Variants in PARM1 observed in about 807,000 individuals in gnomAD.
The protein encoded by PARM1 is prostate androgen-regulated mucin-like protein 1.
PARM1 carries 14 observed loss-of-function variants against 24.6 expected under a neutral mutation model. That is an observed-to-expected ratio of 0.57 (90% CI 0.38 to 0.89). PARM1 has a LOEUF of 0.89. Among genes scored for constraint, PARM1 ranks in the 40% least tolerant of loss-of-function variants. PARM1 has a pLI of 0.00. For missense variants in PARM1, 362 were observed against 380.4 expected, an observed-to-expected ratio of 0.95 and a Z score of 0.40; for synonymous variants, 179 against 156.6, an observed-to-expected ratio of 1.14 and a Z score of -1.07.
chr4:75,033,928 TG>T lies in PARM1; in HGVS notation c.817del (p.Val273CysfsTer8). 1 of 1,604,372 alleles carries T rather than the reference TG, an allele frequency of 6.2e-7. No homozygotes were observed. On this transcript the variant is annotated frameshift_variant, in exon 3 of 4. Transcript: ENST00000307428. LOFTEE classifies it high-confidence loss of function. ...GTGACAGTCATTGCCGTGGTGCTGC[TG>T]GTGTTTGGAGTTGCAGCCTACCTAA... is the stretch of plus-strand genomic sequence containing the variant. ...ITVTVIAVVL[L>X]VFGVAAYLKI...
chr4:75,008,689 A>G (rs996421555), intron 1 of PARM1, among the ~76,000 whole-genome samples: 1 of 152,214 alleles, frequency 6.6e-6, no homozygotes, highest in Non-Finnish European at 1.5e-5. Context: ...TTTTACTTTT[A>G]TATAGCACTT....
chr4:75,025,655 C>T (rs1217453220), intron 2 of PARM1, among the ~76,000 whole-genome samples: 1 of 152,092 alleles, frequency 6.6e-6, no homozygotes, highest in Non-Finnish European at 1.5e-5. Flanking sequence ...TGACGTGCCC[C>T]CATGAGAGAG....
chr4:74,982,021 A>G (rs1722267551), intron 1 of PARM1, among the ~76,000 whole-genome samples: 1 of 152,196 alleles, frequency 6.6e-6, no homozygotes, highest in Non-Finnish European at 1.5e-5. Flanking sequence ...ACTACTCACA[A>G]TAGCAAAGGC....
At chr4:75,044,787 G>C (rs1723567262) in intron 3 of PARM1, among the ~76,000 whole-genome samples, 1 of 152,110 alleles carries the variant, frequency 6.6e-6, no homozygotes, top group Non-Finnish European at 1.5e-5. Context: ...CATGTGGCTG[G>C]GGAAGCCTCA....
At chr4:75,009,013 C>A (rs1722821953) in intron 1 of PARM1, among the ~76,000 whole-genome samples, 1 of 151,916 alleles carries the variant, frequency 6.6e-6, no homozygotes, top group East Asian at 1.9e-4. Flanking sequence ...TAGATAGGAT[C>A]CCATGTTTTA....
At chr4:74,946,956 C>T (rs902119953) in intron 1 of PARM1, among the ~76,000 whole-genome samples, 4 of 152,022 alleles carry the variant, frequency 2.6e-5, no homozygotes, top group Admixed American at 6.5e-5. Flanking sequence ...GTGAAGTGTA[C>T]CATTGAGTGA....
intron 1 of PARM1, among the ~76,000 whole-genome samples, chr4:75,008,918 G>T (rs1235778780): frequency 7.2e-6 from 1 of 139,844 alleles, no homozygotes; most frequent in African/African-American, 3.1e-5. Context: ...ATGGTAAATG[G>T]TGTCATTTTT....
At chr4:74,937,206 A>G (rs1560768931) in intron 1 of PARM1, among the ~76,000 whole-genome samples, 1 of 152,210 alleles carries the variant, frequency 6.6e-6, no homozygotes. Flanking sequence ...TATCACACAT[A>G]TATTAAAATA....
intron 1 of PARM1, among the ~76,000 whole-genome samples, chr4:74,948,048 T>A (rs1721441956): frequency 6.6e-6 from 1 of 152,200 alleles, no homozygotes. Flanking sequence ...TGCCATTTCC[T>A]CATTCTAGAA....
intron 1 of PARM1, among the ~76,000 whole-genome samples, chr4:74,941,745 C>G (rs982135730): frequency 2.6e-5 from 4 of 152,044 alleles, no homozygotes; most frequent in Non-Finnish European, 5.9e-5. Context: ...TAAGAAAATG[C>G]CCTGTGATGT....
chr4:74,938,439 G>C (rs118053037), intron 1 of PARM1, among the ~76,000 whole-genome samples: 1 of 152,210 alleles, frequency 6.6e-6, no homozygotes, highest in East Asian at 1.9e-4. Flanking sequence ...AAACTTATTT[G>C]TCTTGTTCAT....
At chr4:75,001,546 A>C (rs1226785853) in intron 1 of PARM1, among the ~76,000 whole-genome samples, 1 of 152,242 alleles carries the variant, frequency 6.6e-6, no homozygotes, top group African/African-American at 2.4e-5. Flanking sequence ...TGCTGGCGGT[A>C]GCACAGGTAT....
intron 3 of PARM1, among the ~76,000 whole-genome samples, chr4:75,044,109 A>C (rs1723553016): frequency 1.3e-5 from 2 of 152,104 alleles, no homozygotes; most frequent in South Asian, 4.1e-4. Flanking sequence ...TCAAAATTGC[A>C]ATAGCAATTA....
intron 1 of PARM1, among the ~76,000 whole-genome samples, chr4:74,978,232 G>T (rs746375579): frequency 6.6e-6 from 1 of 152,170 alleles, no homozygotes; most frequent in Non-Finnish European, 1.5e-5. Flanking sequence ...CATCTCATGT[G>T]CAAAGACCCA....
chr4:74,965,616 T>G (rs558520594), intron 1 of PARM1, among the ~76,000 whole-genome samples: 1 of 152,272 alleles, frequency 6.6e-6, no homozygotes, highest in Non-Finnish European at 1.5e-5. Context: ...TGCTGTGAGG[T>G]TAATGAGCAA....
At chr4:74,968,019 A>C (rs1206328770) in intron 1 of PARM1, among the ~76,000 whole-genome samples, 1 of 152,052 alleles carries the variant, frequency 6.6e-6, no homozygotes, top group African/African-American at 2.4e-5. Context: ...TCCCCTTTTC[A>C]TTTTCCTTCT....
rs1367256334 is a variant in PARM1 at position 75,050,041 on chromosome 4, T to G, written c.*3794T>G. ...GAAAATTCTTTGATATTTGATGTCA[T>G]TGTATCCACATTTGTTGTAAGACAT... is the stretch of plus-strand genomic sequence containing the variant. On this transcript the variant is annotated 3_prime_UTR_variant, in exon 4 of 4. Coordinates refer to ENST00000307428, the MANE Select transcript of PARM1 (RefSeq NM_015393.4). 1 of 152,596 alleles carries G rather than the reference T, an allele frequency of 6.6e-6. No individual in the cohort carries two copies. Among genetic ancestry groups the G allele is most frequent in the Non-Finnish European group, 1.5e-5 (1 of 68,040 alleles). 9.5% of individuals were successfully genotyped at this position (152,596 alleles called of 1,614,324 possible).
chr4:75,035,163 G>T (rs1197147141), intron 3 of PARM1, among the ~76,000 whole-genome samples: 1 of 152,130 alleles, frequency 6.6e-6, no homozygotes, highest in African/African-American at 2.4e-5. Flanking sequence ...CCAGTTTAGA[G>T]CCCCTGTTAT....
intron 3 of PARM1, among the ~76,000 whole-genome samples, chr4:75,040,807 AAG>A (rs1723467723): frequency 6.6e-6 from 1 of 152,142 alleles, no homozygotes; most frequent in Non-Finnish European, 1.5e-5. Flanking sequence ...AGCTACCACA[AAG>A]ATATATTGTT....
Sources: gnomAD v4.1 joint callset for allele counts (sites outside exome capture counted in the v4.1 genomes callset) on GRCh38, gnomAD v4.1.1 for gene constraint, MANE v1.5 for transcripts, NCBI Gene and HGNC (gene_info 2026-07-23, HGNC 2026-07-21) for gene names.